CYP4Z1: variants seen among roughly 807,000 people sequenced by gnomAD.
CYP4Z1 encodes cytochrome P450 4Z1.
Under a neutral mutation model 54.2 loss-of-function variants are expected in CYP4Z1, and 41 were observed. The observed-to-expected ratio is 0.76, with a 90% CI of 0.59 to 0.98. CYP4Z1 has a LOEUF of 0.98. CYP4Z1 is among the 50% of genes least tolerant of loss of function. The pLI, the probability that CYP4Z1 is intolerant of heterozygous loss-of-function variation, is 0.00. For synonymous variants in CYP4Z1, 163 were observed against 206.2 expected, an observed-to-expected ratio of 0.79 and a Z score of 1.79; for missense variants, 513 against 599.0, an observed-to-expected ratio of 0.86 and a Z score of 1.50.
chr1:47,087,784 G>A (rs971628480), intron 6 of CYP4Z1, among the ~76,000 whole-genome samples: 6 of 152,196 alleles, frequency 3.9e-5, no homozygotes, highest in Admixed American at 3.9e-4. Context: ...GTTTTCAAAT[G>A]TAATGCTTCC....
chr1:47,088,090 C>T (rs139407636), intron 6 of CYP4Z1, among the ~76,000 whole-genome samples: 10,630 of 150,932 alleles, frequency 0.07, 480 homozygotes, highest in East Asian at 0.23. Context: ...TGCTGGATTC[C>T]GTTTGCCAGT....
intron 3 of CYP4Z1, 54 bp from the exon 4 acceptor site, chr1:47,082,280 T>C: frequency 6.4e-7 from 1 of 1,553,380 alleles, no homozygotes; most frequent in Non-Finnish European, 8.7e-7. Flanking sequence ...GTGCCTAGTC[T>C]TTCTTCACTT....
intron 6 of CYP4Z1, among the ~76,000 whole-genome samples, chr1:47,088,173 C>T (rs1644611978): frequency 6.6e-6 from 1 of 152,122 alleles, no homozygotes; most frequent in Non-Finnish European, 1.5e-5. Flanking sequence ...TGTTGTGTCT[C>T]TGCCAGGCTT....
At position 47,112,604 on chromosome 1, in the gene CYP4Z1, C is replaced by A. The variant is rs575951740; in HGVS notation, c.1202-2925C>A. Among the ~76,000 whole-genome samples, 298 of 152,124 alleles carry A rather than the reference C, an allele frequency of 2.0e-3. 1 individual carries two copies. Among genetic ancestry groups the A allele is most frequent in the African/African-American group, 6.8e-3 (283 of 41,486 alleles). On this transcript the variant is annotated intron_variant, in intron 9 of 11. Transcript: ENST00000334194. ...AAAAATTTTAAATAAAATATTAGTA[C>A]ACATAATCCAATAGCTCATTGAAAT...
At chr1:47,108,554 T>C (rs1644772166) in intron 9 of CYP4Z1, among the ~76,000 whole-genome samples, 3 of 152,048 alleles carry the variant, frequency 2.0e-5, no homozygotes, top group Admixed American at 2.0e-4. Context: ...CTCCCACACC[T>C]CACAGTATCA....
At chr1:47,094,810 C>T (rs1308993402) in intron 7 of CYP4Z1, 141 bp downstream of exon 7, 2 of 562,110 alleles carry the variant, frequency 3.6e-6, no homozygotes, top group Non-Finnish European at 6.4e-6. Context: ...GAGTTTGAGA[C>T]AAGCCTGGCC....
chr1:47,076,844 C>CAAAAAAAAA (rs59854360), intron 2 of CYP4Z1, among the ~76,000 whole-genome samples: 68 of 81,382 alleles, frequency 8.4e-4, no homozygotes, highest in East Asian at 2.1e-3. Flanking sequence ...GACGCTGTCT[C>CAAAAAAAAA]AAAAAAAAAA....
Position 47,068,676 on chromosome 1 carries a change from T to A in CYP4Z1, c.232T>A (p.Cys78Ser), listed in dbSNP as rs748081051. The change falls in exon 2 of 12, where the codon TGT (cysteine) becomes AGT (serine). Residue 78 changes from cysteine (C) to serine (S), a missense_variant. Cys to Ser is a moderately radical substitution (Grantham distance 112). Transcript: ENST00000334194. ...VYHKLMEKYP[C>S]AVPLWVGPFT... Reference sequence around the variant, plus strand: ...TCATAAGCTGATGGAAAAATACCCATGTGCTGTTCCCTTGTGGGTTGGACC... The same window carrying A: ...TCATAAGCTGATGGAAAAATACCCAAGTGCTGTTCCCTTGTGGGTTGGACC... 5 of 1,614,002 alleles carry A rather than the reference T, an allele frequency of 3.1e-6. No individual in the cohort carries two copies. The African/African-American group carries it at 6.7e-5, about 22-fold the overall frequency.
chr1:47,078,223 TTC>T (rs1644539519), intron 2 of CYP4Z1, among the ~76,000 whole-genome samples: 1 of 152,182 alleles, frequency 6.6e-6, no homozygotes, highest in African/African-American at 2.4e-5. Context: ...TACTTTTTCA[TTC>T]TGTTTTCTAT....
intron 6 of CYP4Z1, among the ~76,000 whole-genome samples, chr1:47,088,265 G>C (rs1644612550): frequency 2.0e-5 from 3 of 152,170 alleles, no homozygotes; most frequent in South Asian, 4.2e-4. Context: ...GTTTCAGAAG[G>C]AATGGTACCA....
chr1:47,112,015 GAATTA>G (rs1290353595), intron 9 of CYP4Z1, among the ~76,000 whole-genome samples: 12 of 152,116 alleles, frequency 7.9e-5, no homozygotes, highest in East Asian at 1.9e-4. Context: ...ATTAATAAAA[GAATTA>G]AATTAAACAT....
the CYP4Z1 span, among the ~76,000 whole-genome samples, chr1:47,058,835 G>C: frequency 6.6e-6 from 1 of 152,062 alleles, no homozygotes; most frequent in East Asian, 1.9e-4. Context: ...CCACAACCCT[G>C]GCAGGGACAG....
intron 8 of CYP4Z1, among the ~76,000 whole-genome samples, chr1:47,102,362 G>C (rs1644727679): frequency 6.6e-6 from 1 of 152,126 alleles, no homozygotes; most frequent in Non-Finnish European, 1.5e-5. Context: ...ATTGTGGTTA[G>C]GTTGTATTCT....
intron 9 of CYP4Z1, among the ~76,000 whole-genome samples, chr1:47,113,646 C>A (rs1443241065): frequency 1.3e-5 from 2 of 152,098 alleles, no homozygotes; most frequent in Admixed American, 6.6e-5. Context: ...TCTTATACAC[C>A]AATAACAGGC....
chr1:47,115,612 C>T lies in CYP4Z1; in HGVS notation c.1266+19C>T. ...CCCTCAGGTATGATTGTCCCAACTGCACCCAGTGGCATCTAAGATAGCACC... is the reference window on the plus strand; with the variant it reads ...CCCTCAGGTATGATTGTCCCAACTGTACCCAGTGGCATCTAAGATAGCACC... On this transcript the variant is annotated intron_variant, in intron 10 of 11. Transcript: ENST00000334194. 2.5e-6 allele frequency: 4 copies of T among 1,608,448 alleles called. No individual in the cohort carries two copies. The highest frequency in any genetic ancestry group is 3.4e-6 in the Non-Finnish European group (4 of 1,175,770).
chr1:47,063,170 C>T (rs1015070996), upstream of CYP4Z1, among the ~76,000 whole-genome samples: 11 of 152,130 alleles, frequency 7.2e-5, no homozygotes, highest in Admixed American at 2.6e-4. Context: ...CAGGAAGCCC[C>T]ACTCCTAGGG....
At chr1:47,077,203 A>G (rs1340578690) in intron 2 of CYP4Z1, among the ~76,000 whole-genome samples, 1 of 152,084 alleles carries the variant, frequency 6.6e-6, no homozygotes, top group South Asian at 2.1e-4. Context: ...ATAATTTTAG[A>G]ACTGTCTATT....
intron 2 of CYP4Z1, among the ~76,000 whole-genome samples, chr1:47,077,899 G>T (rs541075465): frequency 2.5e-4 from 38 of 152,220 alleles, no homozygotes; most frequent in East Asian, 1.9e-4. Context: ...GACTACAGGT[G>T]TGACCCACTG....
chr1:47,063,237 G>T (rs368814890), upstream of CYP4Z1, among the ~76,000 whole-genome samples: 9 of 152,096 alleles, frequency 5.9e-5, no homozygotes, highest in African/African-American at 2.2e-4. Context: ...AATCTGAACA[G>T]CAGCCCTTGA....
Sources: allele counts gnomAD v4.1 joint callset (sites outside exome capture counted in the v4.1 genomes callset), GRCh38; gene constraint gnomAD v4.1.1; transcripts MANE v1.5; gene names NCBI Gene and HGNC (gene_info 2026-07-23, HGNC 2026-07-21).